PACRG: variants seen among roughly 807,000 people sequenced by gnomAD.
PACRG encodes the protein parkin coregulated gene protein.
PACRG carries 29 observed loss-of-function variants against 29.7 expected under a neutral mutation model. The ratio of observed to expected loss-of-function variants is 0.98; its 90% CI spans 0.73 to 1.33. The LOEUF (loss-of-function observed/expected upper bound fraction) is 1.33, where lower values mean the gene tolerates loss of function less well. PACRG is among the 40% of genes most tolerant of loss of function. The pLI is 0.00. For missense variants in PACRG, 279 were observed against 316.2 expected (o/e 0.88, Z 0.89); for synonymous variants, 116 against 118.7 (o/e 0.98, Z 0.15).
At chr6:163,142,801 C>G (rs1426607814) in intron 4 of PACRG, among the ~76,000 whole-genome samples, 2 of 152,158 alleles carry the variant, frequency 1.3e-5, no homozygotes, top group African/African-American at 4.8e-5. Context: ...GTGATATTCT[C>G]TCCATAAAAC....
chr6:163,064,452 G>A (rs1001511687), intron 3 of PACRG, among the ~76,000 whole-genome samples: 3 of 152,132 alleles, frequency 2.0e-5, no homozygotes, highest in Non-Finnish European at 2.9e-5. Context: ...TTAGGGTTCC[G>A]GAAGCAATGA....
chr6:163,147,304 GA>G (rs1237580196), intron 4 of PACRG, among the ~76,000 whole-genome samples: 1 of 152,154 alleles, frequency 6.6e-6, no homozygotes, highest in Non-Finnish European at 1.5e-5. Context: ...CTCAAATATA[GA>G]AAAATGAAAA....
chr6:162,764,585 A>G (rs1452132427), intron 1 of PACRG, among the ~76,000 whole-genome samples: 4 of 152,108 alleles, frequency 2.6e-5, no homozygotes, highest in Non-Finnish European at 5.9e-5. Context: ...TTTCTTATCT[A>G]TTAACTATTT....
At chr6:163,096,414 G>A (rs1055579620) in intron 4 of PACRG, among the ~76,000 whole-genome samples, 4 of 152,336 alleles carry the variant, frequency 2.6e-5, no homozygotes, top group Admixed American at 6.5e-5. Flanking sequence ...GACAAGCAGG[G>A]GAAGATGCTT....
intron 4 of PACRG, among the ~76,000 whole-genome samples, chr6:163,250,703 T>C (rs562757414): frequency 7.2e-5 from 11 of 152,320 alleles, no homozygotes; most frequent in Admixed American, 2.0e-4. Context: ...TAGAAAAAGA[T>C]ACTTGCACAA....
At chr6:163,269,867 G>GAGAA (rs767222690) in intron 4 of PACRG, among the ~76,000 whole-genome samples, 694 of 56,748 alleles carry the variant, frequency 0.012, 175 homozygotes, top group African/African-American at 0.034. Flanking sequence ...GAGAAAGAAA[G>GAGAA]AGAAAGAAAG....
chr6:163,130,177 A>G lies in PACRG; in HGVS notation c.613+40769A>G, dbSNP rs140244812. 2.7e-3 allele frequency among the ~76,000 whole-genome samples: 408 copies of G among 152,320 alleles called. 3 individuals are homozygous for G. The highest frequency in any genetic ancestry group is 6.8e-3 in the South Asian group (33 of 4,828). On this transcript the variant is annotated intron_variant, in intron 4 of 4. Transcript: ENST00000366888. ...TATAACCACAAAGCCGCTTAGTCCT[A>G]TGTGTGCCTTGACTATGTGTATCCC...
At chr6:163,128,618 A>C (rs1816607462) in intron 4 of PACRG, among the ~76,000 whole-genome samples, 1 of 152,210 alleles carries the variant, frequency 6.6e-6, no homozygotes, top group Non-Finnish European at 1.5e-5. Flanking sequence ...AGGCTTTAAA[A>C]CACTGGCAGA....
intron 4 of PACRG, among the ~76,000 whole-genome samples, chr6:163,210,746 C>T (rs1006253528): frequency 1.2e-4 from 19 of 152,254 alleles, no homozygotes; most frequent in Middle Eastern, 3.4e-3. Context: ...AAGGGCATAA[C>T]CTTGAATATT....
intron 4 of PACRG, among the ~76,000 whole-genome samples, chr6:163,246,630 A>G (rs546137225): frequency 6.6e-6 from 1 of 152,208 alleles, no homozygotes; most frequent in Non-Finnish European, 1.5e-5. Flanking sequence ...TCTTGCCCAG[A>G]GGGTGCTCAG....
intron 4 of PACRG, among the ~76,000 whole-genome samples, chr6:163,239,667 A>C (rs115165835): frequency 0.2 from 20,351 of 100,926 alleles, 1,910 homozygotes; most frequent in South Asian, 0.36. Flanking sequence ...ACACACCCAC[A>C]CCCCCCACCC....
rs143276239 is a variant in PACRG, at chr6:163,314,841, G to A, written c.628G>A (p.Gly210Ser). The change falls in exon 5 of 5, where the codon GGC becomes AGC. Residue 210 changes from glycine (G) to serine (S), a missense_variant. Gly to Ser is a moderately conservative substitution (Grantham distance 56, BLOSUM62 0). Coordinates refer to ENST00000366888, the MANE Select transcript of PACRG (RefSeq NM_001080379.2). ...GCATGCACCAGTGAACTCCGGAGAC[G>A]GCATTGACTACAGCCAGCAGAAGAG... ...FKNMNVNSGD[G>S]IDYSQQKREN... 68 of 1,613,906 alleles carry A rather than the reference G, an allele frequency of 4.2e-5. 1 individual carries two copies. Among genetic ancestry groups the A allele is most frequent in the South Asian group, 1.6e-4 (15 of 91,020 alleles).
chr6:163,099,532 A>G (rs1814892951), intron 4 of PACRG, among the ~76,000 whole-genome samples: 1 of 152,148 alleles, frequency 6.6e-6, no homozygotes, highest in Admixed American at 6.5e-5. Flanking sequence ...GTCAGCTCAT[A>G]ATTTGTAGTT....
At chr6:162,830,068 G>A (rs560270694) in intron 2 of PACRG, among the ~76,000 whole-genome samples, 257 of 152,260 alleles carry the variant, frequency 1.7e-3, no homozygotes, top group Non-Finnish European at 2.9e-3. Flanking sequence ...GTTCAGAGCT[G>A]AGGGATTTAA....
At chr6:162,920,868 G>A (rs1365282662) in intron 2 of PACRG, among the ~76,000 whole-genome samples, 2 of 151,994 alleles carry the variant, frequency 1.3e-5, no homozygotes, top group African/African-American at 4.8e-5. Context: ...CTAGATAATA[G>A]GGAGAACAAA....
intron 2 of PACRG, among the ~76,000 whole-genome samples, chr6:162,899,841 G>C (rs1366327582): frequency 6.6e-6 from 1 of 152,146 alleles, no homozygotes; most frequent in African/African-American, 2.4e-5. Context: ...ACTTTCATTA[G>C]CCCCATCTTA....
chr6:163,171,250 C>A (rs1311906117), intron 4 of PACRG, among the ~76,000 whole-genome samples: 1 of 150,744 alleles, frequency 6.6e-6, no homozygotes, highest in Non-Finnish European at 1.5e-5. Flanking sequence ...ACCTAGTAGT[C>A]AAGATGAGAA....
chr6:162,995,911 A>G (rs556125406), intron 2 of PACRG, among the ~76,000 whole-genome samples: 85 of 152,342 alleles, frequency 5.6e-4, no homozygotes, highest in African/African-American at 1.9e-3. Context: ...GAGGATAGAT[A>G]TCTCTTCGTG....
intron 1 of PACRG, among the ~76,000 whole-genome samples, chr6:162,741,097 A>T (rs1780557406): frequency 2.0e-5 from 3 of 152,094 alleles, no homozygotes; most frequent in Admixed American, 2.0e-4. Context: ...TTTAATCATG[A>T]TGTATTTAGC....
Sources: allele counts gnomAD v4.1 joint callset (sites outside exome capture counted in the v4.1 genomes callset), GRCh38; gene constraint gnomAD v4.1.1; transcripts MANE v1.5; gene names NCBI Gene and HGNC (gene_info 2026-07-23, HGNC 2026-07-21).